The following USH2A variants were observed in gnomAD, a reference collection of about 807,000 sequenced individuals.
USH2A encodes the protein Usher syndrome 2A (autosomal recessive, mild).
In USH2A, 443 loss-of-function variants were observed where a neutral mutation model predicts 538.9. The observed-to-expected ratio is 0.82, with a 90% CI of 0.76 to 0.89. The LOEUF is 0.89. USH2A is among the 40% of genes least tolerant of loss of function. The pLI is 0.00. For missense variants in USH2A, 6,633 were observed against 6,324.8 expected (o/e 1.05, Z -1.65); for synonymous variants, 2,413 against 2,273.5 (o/e 1.06, Z -1.75).
chr1:216,082,081 C>T (rs2031967598), intron 26 of USH2A, among the ~76,000 whole-genome samples: 1 of 152,032 alleles, frequency 6.6e-6, no homozygotes, highest in African/African-American at 2.4e-5. Context: ...ATCTTTGTAT[C>T]CTCCACAGTG....
At chr1:216,189,607 T>G (rs2034673941) in intron 20 of USH2A, among the ~76,000 whole-genome samples, 1 of 152,054 alleles carries the variant, frequency 6.6e-6, no homozygotes, top group African/African-American at 2.4e-5. Context: ...CAGATTATAC[T>G]TAATAACAAT....
rs553937063 is a variant in USH2A, at chr1:215,673,087, G to A, written c.13811+1013C>T. Among the ~76,000 whole-genome samples the A allele has an allele frequency of 2.0e-5, 3 of 152,230 alleles. No individual in the cohort carries two copies. The East Asian group carries it at 5.8e-4, about 29-fold the overall frequency. On this transcript the variant is annotated intron_variant, in intron 63 of 71. Coordinates refer to ENST00000307340, the MANE Select transcript of USH2A (RefSeq NM_206933.4). ...TTTTTAATGCCCTGAATCAGTGTAA[G>A]GTAATATAAAAGCCAACTCACATAG...
At chr1:215,724,865 T>C (rs1659765147) in intron 61 of USH2A, among the ~76,000 whole-genome samples, 1 of 152,166 alleles carries the variant, frequency 6.6e-6, no homozygotes, top group African/African-American at 2.4e-5. Context: ...CAGATTGAAT[T>C]GTCAATAATT....
intron 3 of USH2A, among the ~76,000 whole-genome samples, chr1:216,398,937 A>C (rs529064069): frequency 6.6e-6 from 1 of 152,244 alleles, no homozygotes; most frequent in African/African-American, 2.4e-5. Context: ...CTCTTTTCTA[A>C]ATAGTATTGG....
intron 38 of USH2A, among the ~76,000 whole-genome samples, chr1:215,912,511 A>ATATATG (rs1665831947): frequency 1.2e-4 from 2 of 16,710 alleles, no homozygotes; most frequent in African/African-American, 4.4e-4. Context: ...ATATATATAT[A>ATATATG]CGTGTATATA....
intron 55 of USH2A, among the ~76,000 whole-genome samples, chr1:215,775,918 G>A (rs373219356): frequency 6.6e-6 from 1 of 152,198 alleles, no homozygotes; most frequent in Non-Finnish European, 1.5e-5. Flanking sequence ...GAAATGCAAT[G>A]ATGAGTAATT....
chr1:216,107,974 T>A (rs76682577), intron 21 of USH2A, among the ~76,000 whole-genome samples: 1 of 151,934 alleles, frequency 6.6e-6, no homozygotes, highest in African/African-American at 2.4e-5. Flanking sequence ...ATTTTATATA[T>A]GTTGTAAACT....
intron 37 of USH2A, among the ~76,000 whole-genome samples, chr1:215,942,458 A>G (rs1666657929): frequency 6.6e-6 from 1 of 152,166 alleles, no homozygotes; most frequent in Non-Finnish European, 1.5e-5. Flanking sequence ...GCCACCTTAC[A>G]GTCTCCCTGT....
chr1:215,790,394 G>T, intron 50 of USH2A, 112 bp from the exon 51 acceptor site: 1 of 1,135,414 alleles, frequency 8.8e-7, no homozygotes, highest in Non-Finnish European at 1.3e-6. Flanking sequence ...CTGAAATGGT[G>T]CAATACCTAA....
intron 32 of USH2A, among the ~76,000 whole-genome samples, chr1:216,038,928 T>A (rs1033380028): frequency 6.6e-6 from 1 of 152,082 alleles, no homozygotes; most frequent in Non-Finnish European, 1.5e-5. Flanking sequence ...AAGCATAGAA[T>A]CTTTCCCTAT....
At chr1:215,830,729 A>G (rs973872452) in intron 47 of USH2A, among the ~76,000 whole-genome samples, 1 of 152,220 alleles carries the variant, frequency 6.6e-6, no homozygotes. Flanking sequence ...CAAGCAGCAC[A>G]GCGAAGATTT....
Position 215,627,624 on chromosome 1 carries a change from C to T in USH2A, c.15519+1190G>A, listed in dbSNP as rs1255618875. On this transcript the variant is annotated intron_variant, in intron 71 of 71. Coordinates refer to ENST00000307340, the MANE Select transcript of USH2A (RefSeq NM_206933.4). Reference sequence around the variant, plus strand: ...CACTGCAACTTCCACCTCCCAGGTTCAAGCAATTCTCCTGCCTCAGCCTCC... The same window carrying T: ...CACTGCAACTTCCACCTCCCAGGTTTAAGCAATTCTCCTGCCTCAGCCTCC... Among the ~76,000 whole-genome samples, 4 of 152,050 alleles carry T rather than the reference C, an allele frequency of 2.6e-5. No homozygotes were observed. The East Asian group carries it at 7.8e-4, about 29-fold the overall frequency.
chr1:215,712,896 C>T (rs558488984), intron 61 of USH2A, among the ~76,000 whole-genome samples: 2 of 151,072 alleles, frequency 1.3e-5, no homozygotes, highest in African/African-American at 4.9e-5. Flanking sequence ...ACCTCCACCT[C>T]CTGGGTTCAA....
At chr1:216,098,054 C>T (rs2032487196) in intron 21 of USH2A, among the ~76,000 whole-genome samples, 1 of 151,440 alleles carries the variant, frequency 6.6e-6, no homozygotes, top group South Asian at 2.1e-4. Flanking sequence ...TGAATGATGC[C>T]TTCCCCCTAC....
chr1:216,163,784 CT>C (rs34212549), intron 21 of USH2A, among the ~76,000 whole-genome samples: 52 of 148,044 alleles, frequency 3.5e-4, no homozygotes, highest in Non-Finnish European at 6.0e-4. Flanking sequence ...TTTTGCCTGT[CT>C]TTTTTTTTTC....
At chr1:216,392,875 T>C (rs1468341228) in intron 3 of USH2A, among the ~76,000 whole-genome samples, 1 of 152,230 alleles carries the variant, frequency 6.6e-6, no homozygotes, top group African/African-American at 2.4e-5. Context: ...TTAAAACATC[T>C]GATTTTATTC....
At chr1:215,829,368 C>G (rs74995829) in intron 47 of USH2A, among the ~76,000 whole-genome samples, 2,182 of 152,242 alleles carry the variant, frequency 0.014, 57 homozygotes, top group African/African-American at 0.05. Context: ...TGGTACACTG[C>G]ACGCATATAA....
At chr1:215,791,034 G>A (rs868174846) in intron 50 of USH2A, among the ~76,000 whole-genome samples, 1 of 152,084 alleles carries the variant, frequency 6.6e-6, no homozygotes, top group African/African-American at 2.4e-5. Context: ...AAAGACACAC[G>A]TACCTGAGAT....
At chr1:216,128,647 G>A (rs905572032) in intron 21 of USH2A, among the ~76,000 whole-genome samples, 2 of 151,788 alleles carry the variant, frequency 1.3e-5, no homozygotes, top group Admixed American at 1.3e-4. Flanking sequence ...ATATTTATGG[G>A]CCACACGTGA....
Sources: gnomAD v4.1 joint callset for allele counts (sites outside exome capture counted in the v4.1 genomes callset) on GRCh38, gnomAD v4.1.1 for gene constraint, MANE v1.5 for transcripts, NCBI Gene and HGNC (gene_info 2026-07-23, HGNC 2026-07-21) for gene names.